Variants in RAB4B observed in about 807,000 individuals in gnomAD.
RAB4B encodes the protein RAB4B, member RAS oncogene family, also known as ras-related protein Rab-4B.
A neutral mutation model predicts 28.3 loss-of-function variants in RAB4B; 15 were observed. That is an observed-to-expected ratio of 0.53 (90% CI 0.35 to 0.82). The LOEUF (loss-of-function observed/expected upper bound fraction) is 0.82, where lower values mean the gene tolerates loss of function less well. Among genes scored for constraint, RAB4B ranks in the 40% least tolerant of loss-of-function variants. The probability of loss-of-function intolerance (pLI) is 0.01; values close to 1 mark genes in which losing one functional copy is unlikely to be tolerated. For synonymous variants in RAB4B, 108 were observed against 116.3 expected, an observed-to-expected ratio of 0.93 and a Z score of 0.46; for missense variants, 244 against 288.5, an observed-to-expected ratio of 0.85 and a Z score of 1.12.
chr19:40,792,742 A>G (rs1335844139), intron 7 of RAB4B, among the ~76,000 whole-genome samples: 4 of 152,166 alleles, frequency 2.6e-5, no homozygotes, highest in African/African-American at 7.2e-5. Flanking sequence ...GGGTTGTGCA[A>G]TCACCACTTC....
intron 3 of RAB4B, among the ~76,000 whole-genome samples, chr19:40,780,987 G>A (rs1188292175): frequency 1.3e-5 from 2 of 151,464 alleles, no homozygotes; most frequent in Non-Finnish European, 2.9e-5. Flanking sequence ...GATAAGGGAG[G>A]TAAGGAGGCC....
At chr19:40,779,717 TG>T in intron 1 of RAB4B, 1 of 433,136 alleles carries the variant, frequency 2.3e-6, no homozygotes, top group African/African-American at 2.1e-5. Flanking sequence ...CACTCCAGCC[TG>T]GGCAACGAAA....
At chr19:40,786,277 G>T in intron 5 of RAB4B, 1 of 333,370 alleles carries the variant, frequency 3.0e-6, no homozygotes, top group South Asian at 2.4e-5. Context: ...GAAAGGAATG[G>T]GGCAGGCCCA....
chr19:40,782,131 T>C (rs2083055288), intron 3 of RAB4B, among the ~76,000 whole-genome samples: 2 of 152,112 alleles, frequency 1.3e-5, no homozygotes, highest in South Asian at 4.2e-4. Flanking sequence ...ATCTAGTAGC[T>C]GCTGAGTTAA....
At chr19:40,793,019 C>T (rs1194522243) in intron 7 of RAB4B, among the ~76,000 whole-genome samples, 3 of 152,092 alleles carry the variant, frequency 2.0e-5, no homozygotes, top group African/African-American at 7.2e-5. Context: ...TCAGGTGATC[C>T]ACCCGCCTCG....
rs2083035968 is a variant in RAB4B at position 40,780,449 on chromosome 19, G to A, written c.162G>A (p.Gly54=). 6.2e-7 allele frequency: 1 copy of A among 1,613,778 alleles called. No homozygotes were observed. Among genetic ancestry groups the A allele is most frequent in the Non-Finnish European group, 8.5e-7 (1 of 1,179,904 alleles). ...EFGSRVVNVG[G]KTVKLQIWDT... The stretch of plus-strand genomic sequence containing the variant: ...GATCCCGGGTGGTCAACGTGGGTGG[G>A]AAGACTGTGAAGCTACAGATTTGGG... The change falls in exon 3 of 8, where the codon GGG becomes GGA. Residue 54 remains glycine, a synonymous_variant. Transcript: ENST00000357052.
At chr19:40,783,394 C>A (rs577419694) in intron 3 of RAB4B, among the ~76,000 whole-genome samples, 3 of 151,934 alleles carry the variant, frequency 2.0e-5, no homozygotes, top group Non-Finnish European at 4.4e-5. Flanking sequence ...TGCAGTGAGC[C>A]AAGATCGTAC....
At chr19:40,780,347 T>A in intron 2 of RAB4B, 38 bp from the exon 3 acceptor site, 1 of 1,551,878 alleles carries the variant, frequency 6.4e-7, no homozygotes, top group South Asian at 1.2e-5. Context: ...CTGTCTCCTC[T>A]CTCCCTGTAC....
intron 7 of RAB4B, among the ~76,000 whole-genome samples, chr19:40,793,881 A>G (rs574312172): frequency 9.2e-4 from 139 of 151,618 alleles, no homozygotes; most frequent in Non-Finnish European, 7.2e-4. Context: ...CCGAGATCGC[A>G]CCACTGCACT....
chr19:40,778,268 G>C lies in RAB4B; in HGVS notation c.-108G>C. On this transcript the variant is annotated 5_prime_UTR_variant, in exon 1 of 8. Transcript: ENST00000357052. ...AGGCGGAAGTGGCGGTGCCGGGCCC[G>C]GGGAGTAGGAAGGAGCCGGGGCTGT... The C allele has an allele frequency of 9.0e-7, 1 of 1,106,262 alleles. No homozygotes were observed. Among genetic ancestry groups the C allele is most frequent in the African/African-American group, 1.7e-5 (1 of 60,322 alleles). The allele number at this position is 1,106,262 out of a possible 1,614,324, so 68.5% of individuals were successfully genotyped here. A position where few individuals can be genotyped will look rare whatever the true frequency, so the allele number is the denominator to read the frequency against.
In RAB4B at chr19:40,778,330, G is replaced by A; in HGVS notation, c.-46G>A. ...AGCGGCTGCCAGCCGAGGAGCAGGC[G>A]CGGCCGCGGCGCCATATTGCGGCCC... On this transcript the variant is annotated 5_prime_UTR_variant, in exon 1 of 8. Coordinates refer to ENST00000357052, the MANE Select transcript of RAB4B (RefSeq NM_016154.5). 1.3e-6 allele frequency: 2 copies of A among 1,486,828 alleles called. No individual in the cohort carries two copies. The highest frequency in any genetic ancestry group is 8.9e-7 in the Non-Finnish European group (1 of 1,124,086). The allele number at this position is 1,486,828 out of a possible 1,614,324, so 92.1% of individuals were successfully genotyped here. A position where few individuals can be genotyped will look rare whatever the true frequency, so the allele number is the denominator to read the frequency against.
chr19:40,786,558 A>C, intron 5 of RAB4B, 107 bp from the exon 6 acceptor site: 15 of 1,517,408 alleles, frequency 9.9e-6, no homozygotes, highest in Non-Finnish European at 1.3e-5. Flanking sequence ...AGGTGAGGGT[A>C]AGGGGGGATG....
rs1405991859 is a variant in RAB4B at position 40,796,557 on chromosome 19, C to T, written c.*16-13C>T. The T allele has an allele frequency of 6.5e-6, 1 of 152,712 alleles. No individual in the cohort carries two copies. Among genetic ancestry groups the T allele is most frequent in the Admixed American group, 6.5e-5 (1 of 15,290 alleles). The allele number at this position is 152,712 out of a possible 1,614,324, so 9.5% of individuals were successfully genotyped here. ...CCGGGGACCCTGCAGGTCACCACAC[C>T]CTTCTCTTTCAGCTCACCTGTTCTC... is the stretch of plus-strand genomic sequence containing the variant. On this transcript the variant is annotated splice_polypyrimidine_tract_variant and intron_variant, in intron 7 of 7. Coordinates refer to ENST00000357052, the MANE Select transcript of RAB4B (RefSeq NM_016154.5).
chr19:40,786,779 C>T lies in RAB4B; in HGVS notation c.526+19C>T, dbSNP rs537273871. 2.7e-5 allele frequency: 43 copies of T among 1,614,080 alleles called. No individual in the cohort carries two copies. Among genetic ancestry groups the T allele is most frequent in the Admixed American group, 6.7e-5 (4 of 60,016 alleles). ...GACTCAGGTGAGGCCCCGACCGGCC[C>T]GAGTGGGAGCGAAGGGCAGGCCCGG... On this transcript the variant is annotated intron_variant, in intron 6 of 7. Transcript: ENST00000357052.
At chr19:40,784,983 T>A (rs1354318493) in intron 5 of RAB4B, among the ~76,000 whole-genome samples, 2 of 151,852 alleles carry the variant, frequency 1.3e-5, no homozygotes, top group South Asian at 2.1e-4. Flanking sequence ...CCTGGCTAAT[T>A]TTTATATTTT....
intron 7 of RAB4B, among the ~76,000 whole-genome samples, chr19:40,793,159 G>A (rs999825142): frequency 2.6e-5 from 4 of 152,006 alleles, no homozygotes; most frequent in African/African-American, 4.8e-5. Flanking sequence ...TTATTAAGCA[G>A]TCACTCTCCA....
intron 7 of RAB4B, among the ~76,000 whole-genome samples, chr19:40,793,837 T>C (rs2083183332): frequency 6.6e-6 from 1 of 151,676 alleles, no homozygotes; most frequent in Non-Finnish European, 1.5e-5. Context: ...GGCAGAGGAA[T>C]AGCTTGATCC....
chr19:40,789,742 G>A (rs1473834950), intron 7 of RAB4B, among the ~76,000 whole-genome samples: 2 of 151,912 alleles, frequency 1.3e-5, no homozygotes, highest in African/African-American at 2.4e-5. Context: ...CTCGTGATCC[G>A]CCCACCTCAG....
chr19:40,787,050 C>T, intron 7 of RAB4B, 72 bp downstream of exon 7: 1 of 1,255,254 alleles, frequency 8.0e-7, no homozygotes, highest in Non-Finnish European at 1.1e-6. Flanking sequence ...GAGATAGACA[C>T]TGAACATGTG....
Sources: allele counts gnomAD v4.1 joint callset (sites outside exome capture counted in the v4.1 genomes callset), GRCh38; gene constraint gnomAD v4.1.1; transcripts MANE v1.5; gene names NCBI Gene and HGNC (gene_info 2026-07-23, HGNC 2026-07-21).